FANCA: variants seen among roughly 807,000 people sequenced by gnomAD.
FANCA encodes Fanconi anemia group A protein.
In FANCA, 236 loss-of-function variants were observed where a neutral mutation model predicts 194.3. That is an observed-to-expected ratio of 1.21 (90% CI 1.09 to 1.35). The LOEUF (loss-of-function observed/expected upper bound fraction) is 1.35, where lower values mean the gene tolerates loss of function less well. Ranked by LOEUF, FANCA falls within the 40% of genes most tolerant of loss-of-function variation. FANCA has a pLI of 0.00. For missense variants in FANCA, 2,628 were observed against 1,813.9 expected (o/e 1.45, Z -8.15); for synonymous variants, 1,014 against 715.8 (o/e 1.42, Z -6.65).
rs2039485181 is a variant in FANCA, at chr16:89,775,919, TA to T, written c.1827-105del. On this transcript the variant is annotated intron_variant, in intron 20 of 42. Coordinates refer to ENST00000389301, the MANE Select transcript of FANCA (RefSeq NM_000135.4). ...AAAATAAAAACATATTAAATTTAAA[TA>T]AATTATAAATACTGTGTACAGTATG... 6.0e-6 allele frequency: 4 copies of T among 664,292 alleles called. 1 individual carries two copies. The East Asian group carries it at 1.4e-4, about 23-fold the overall frequency. The allele number at this position is 664,292 out of a possible 1,614,324, so 41.1% of individuals were successfully genotyped here.
Position 89,798,601 on chromosome 16 carries a change from T to C in FANCA, c.893+565A>G, listed in dbSNP as rs1265216493. On this transcript the variant is annotated intron_variant, in intron 10 of 42. Transcript: ENST00000389301. ...GAGCCCCATTTCCACCAAACCCCGA[T>C]GTCCACCTTCCACCCAGCCCCCACT... 26 of 1,152,300 alleles carry C rather than the reference T, an allele frequency of 2.3e-5. No homozygotes were observed. The East Asian group carries it at 6.7e-4, about 30-fold the overall frequency. 71.4% of individuals were successfully genotyped at this position (1,152,300 alleles called of 1,614,324 possible).
intron 10 of FANCA, 151 bp downstream of exon 10, chr16:89,799,015 C>T: frequency 3.1e-6 from 5 of 1,614,226 alleles, no homozygotes; most frequent in Non-Finnish European, 4.2e-6. Flanking sequence ...CCATGGTCGC[C>T]TCCTCCTCAC....
intron 5 of FANCA, 55 bp from the exon 6 acceptor site, chr16:89,808,422 TGAG>T (rs2040748279): frequency 6.4e-7 from 1 of 1,553,154 alleles, no homozygotes. Flanking sequence ...CCCAGCATTC[TGAG>T]TCCTTTATGA....
chr16:89,800,968 G>A lies in FANCA; in HGVS notation c.793-1330C>T, dbSNP rs2040428143. ...GAATAGCTTGAACCCGGTAGGCGGAGCTTGCAGTGAACCAAGATGGCACCA... is the reference window on the plus strand; with the variant it reads ...GAATAGCTTGAACCCGGTAGGCGGAACTTGCAGTGAACCAAGATGGCACCA... On this transcript the variant is annotated intron_variant, in intron 8 of 42. Coordinates refer to ENST00000389301, the MANE Select transcript of FANCA (RefSeq NM_000135.4). Among the ~76,000 whole-genome samples, 3 of 150,068 alleles carry A rather than the reference G, an allele frequency of 2.0e-5. No individual in the cohort carries two copies. The Admixed American group carries it at 2.0e-4, about 10-fold the overall frequency.
chr16:89,816,176 C>A, intron 1 of FANCA, 190 bp from the exon 2 acceptor site: 2 of 640,708 alleles, frequency 3.1e-6, no homozygotes, highest in South Asian at 1.6e-5. Context: ...CCGGGGAAGA[C>A]GGCCCAGGAG....
chr16:89,767,975 G>T (rs988958760), intron 26 of FANCA, among the ~76,000 whole-genome samples: 1 of 152,138 alleles, frequency 6.6e-6, no homozygotes, highest in African/African-American at 2.4e-5. Context: ...GTTAGCCACC[G>T]TGCCTGGCCC....
At position 89,797,482 on chromosome 16, in the gene FANCA, C is replaced by T. The variant is rs2040289394; in HGVS notation, c.894-1464G>A. Among the ~76,000 whole-genome samples, 3 of 152,356 alleles carry T rather than the reference C, an allele frequency of 2.0e-5. No homozygotes were observed. In the South Asian group the frequency reaches 6.2e-4, roughly 32 times the overall value. On this transcript the variant is annotated intron_variant, in intron 10 of 42. Coordinates refer to ENST00000389301, the MANE Select transcript of FANCA (RefSeq NM_000135.4). ...TGGGACATCGTGGAGATTCACTTCTCAGCCCTGCTGTCCTTCCTCACAGGG... is the reference window on the plus strand; with the variant it reads ...TGGGACATCGTGGAGATTCACTTCTTAGCCCTGCTGTCCTTCCTCACAGGG...
intron 14 of FANCA, among the ~76,000 whole-genome samples, chr16:89,785,589 G>A (rs2039868959): frequency 1.3e-5 from 2 of 152,140 alleles, no homozygotes; most frequent in South Asian, 4.1e-4. Flanking sequence ...AAAGTCCTGG[G>A]GGCTGCAGTG....
At chr16:89,792,578 A>C in intron 11 of FANCA, 31 bp from the exon 12 acceptor site, 1 of 1,602,396 alleles carries the variant, frequency 6.2e-7, no homozygotes, top group Non-Finnish European at 8.5e-7. Flanking sequence ...AAAAACTTCA[A>C]GTCAGAGATC....
At chr16:89,739,389 A>G (rs1445598220) in intron 40 of FANCA, 89 bp downstream of exon 40, 37 of 1,577,980 alleles carry the variant, frequency 2.3e-5, no homozygotes, top group Non-Finnish European at 3.1e-5. Flanking sequence ...GGCACAGACA[A>G]CCCTTCCCAT....
At chr16:89,743,603 C>A (rs1465783474) in intron 36 of FANCA, among the ~76,000 whole-genome samples, 1 of 152,146 alleles carries the variant, frequency 6.6e-6, no homozygotes, top group Non-Finnish European at 1.5e-5. Context: ...GCAGGCAGAT[C>A]ACCTGAGGTC....
Position 89,768,227 on chromosome 16 carries a change from A to G in FANCA, c.2505-990T>C, listed in dbSNP as rs17226701. Among the ~76,000 whole-genome samples, 684 of 152,302 alleles carry G rather than the reference A, an allele frequency of 4.5e-3. 3 individuals are homozygous for G. Among genetic ancestry groups the G allele is most frequent in the African/African-American group, 0.016 (656 of 41,554 alleles). On this transcript the variant is annotated intron_variant, in intron 26 of 42. Transcript: ENST00000389301. ...TGGGGGACACAGTGAGACCTGTGTC[A>G]TTTACTCAACATACATACCTACAGC...
chr16:89,776,066 G>GATA (rs1437961157), intron 20 of FANCA, among the ~76,000 whole-genome samples: 1 of 150,374 alleles, frequency 6.7e-6, no homozygotes, highest in Non-Finnish European at 1.5e-5. Context: ...TACCACCAGT[G>GATA]ATTATCCCTG....
intron 35 of FANCA, among the ~76,000 whole-genome samples, chr16:89,745,332 A>G (rs1426059632): frequency 6.6e-6 from 1 of 152,070 alleles, no homozygotes; most frequent in Non-Finnish European, 1.5e-5. Flanking sequence ...AAGGGACCAC[A>G]CTCCCCTGAG....
chr16:89,754,739 A>G (rs1414952294), intron 30 of FANCA, among the ~76,000 whole-genome samples: 1 of 152,172 alleles, frequency 6.6e-6, no homozygotes, highest in African/African-American at 2.4e-5. Context: ...ATAAATGACT[A>G]GAGCCAATGA....
At chr16:89,779,047 G>A (rs1598127711) in intron 18 of FANCA, 44 bp from the exon 19 acceptor site, 5 of 1,588,936 alleles carry the variant, frequency 3.1e-6, no homozygotes, top group Non-Finnish European at 4.3e-6. Flanking sequence ...AGAGCAGCGA[G>A]AAGGCAATTC....
intron 31 of FANCA, among the ~76,000 whole-genome samples, chr16:89,751,711 T>C (rs1454288741): frequency 2.0e-5 from 3 of 151,954 alleles, no homozygotes; most frequent in Non-Finnish European, 4.4e-5. Context: ...CTTCAGGTGA[T>C]CCACCAGCCT....
intron 30 of FANCA, among the ~76,000 whole-genome samples, chr16:89,752,942 G>T (rs2038647638): frequency 6.6e-6 from 1 of 152,144 alleles, no homozygotes. Context: ...CTTGTGGAGG[G>T]CCTGACATCA....
intron 14 of FANCA, among the ~76,000 whole-genome samples, chr16:89,790,477 T>A (rs1479144038): frequency 5.3e-5 from 8 of 151,220 alleles, no homozygotes; most frequent in Admixed American, 5.3e-4. Context: ...ATGCCTGTAA[T>A]CCCAGCACTT....
Sources: gnomAD v4.1 joint callset for allele counts (sites outside exome capture counted in the v4.1 genomes callset) on GRCh38, gnomAD v4.1.1 for gene constraint, MANE v1.5 for transcripts, NCBI Gene and HGNC (gene_info 2026-07-23, HGNC 2026-07-21) for gene names.